Variants in GPC5 observed in about 807,000 individuals in gnomAD.
GPC5 encodes the protein glypican 5, also known as glypican-5.
Under a neutral mutation model 53.9 loss-of-function variants are expected in GPC5, and 47 were observed. The observed-to-expected ratio is 0.87, with a 90% CI of 0.69 to 1.11. GPC5 has a LOEUF of 1.11. Ranked by LOEUF, GPC5 falls within the 50% of genes most tolerant of loss-of-function variation. The pLI is 0.00. For synonymous variants in GPC5, 286 were observed against 263.3 expected, an observed-to-expected ratio of 1.09 and a Z score of -0.84; for missense variants, 748 against 713.1, an observed-to-expected ratio of 1.05 and a Z score of -0.56.
intron 6 of GPC5, among the ~76,000 whole-genome samples, chr13:92,135,501 G>A (rs1360230693): frequency 6.6e-6 from 1 of 152,082 alleles, no homozygotes; most frequent in East Asian, 1.9e-4. Flanking sequence ...TTTGGTATGA[G>A]GGCTTAGAAG....
At chr13:92,074,643 A>G (rs557834849) in intron 6 of GPC5, among the ~76,000 whole-genome samples, 1 of 152,262 alleles carries the variant, frequency 6.6e-6, no homozygotes, top group East Asian at 1.9e-4. Context: ...ATTTTCCTGA[A>G]TTATTGAGTA....
chr13:91,585,205 T>C (rs2032516861), intron 2 of GPC5, among the ~76,000 whole-genome samples: 1 of 152,126 alleles, frequency 6.6e-6, no homozygotes, highest in African/African-American at 2.4e-5. Flanking sequence ...CTACTGGTAG[T>C]AACATAGATT....
chr13:91,888,610 C>A (rs2039351734), intron 5 of GPC5, among the ~76,000 whole-genome samples: 1 of 152,086 alleles, frequency 6.6e-6, no homozygotes, highest in Non-Finnish European at 1.5e-5. Flanking sequence ...CTAGCATGCA[C>A]ATATAATGCA....
intron 7 of GPC5, among the ~76,000 whole-genome samples, chr13:92,327,584 C>G (rs1250385985): frequency 6.6e-6 from 1 of 152,068 alleles, no homozygotes; most frequent in African/African-American, 2.4e-5. Context: ...TCTGCAGTAG[C>G]TAACATAATA....
At chr13:92,262,795 C>A (rs1052866564) in intron 7 of GPC5, among the ~76,000 whole-genome samples, 10 of 152,134 alleles carry the variant, frequency 6.6e-5, no homozygotes, top group African/African-American at 2.2e-4. Context: ...ATGCTTCTTG[C>A]AAAGTCTTGA....
At chr13:91,987,146 T>C (rs980224242) in intron 6 of GPC5, among the ~76,000 whole-genome samples, 1 of 152,206 alleles carries the variant, frequency 6.6e-6, no homozygotes, top group Non-Finnish European at 1.5e-5. Flanking sequence ...CTTTTAAAAC[T>C]AATAGAATTT....
chr13:91,477,485 G>A (rs976574183), intron 2 of GPC5, among the ~76,000 whole-genome samples: 1 of 152,142 alleles, frequency 6.6e-6, no homozygotes, highest in African/African-American at 2.4e-5. Context: ...TGAATGAAAC[G>A]CTTCTGGGGC....
At chr13:91,402,030 T>G (rs1876991539) in intron 1 of GPC5, among the ~76,000 whole-genome samples, 1 of 152,222 alleles carries the variant, frequency 6.6e-6, no homozygotes. Context: ...CTTTTCATTT[T>G]TATTTTATTT....
At chr13:92,745,548 T>A (rs1333106922) in intron 7 of GPC5, among the ~76,000 whole-genome samples, 2 of 152,122 alleles carry the variant, frequency 1.3e-5, no homozygotes, top group Non-Finnish European at 2.9e-5. Flanking sequence ...AGCTTGCTAC[T>A]CCAGATGGCA....
At chr13:92,730,515 A>G (rs1016536381) in intron 7 of GPC5, among the ~76,000 whole-genome samples, 2 of 151,230 alleles carry the variant, frequency 1.3e-5, no homozygotes, top group African/African-American at 4.8e-5. Context: ...ATAATTTTGC[A>G]TTTTAAATTT....
At chr13:91,690,508 T>A (rs429039) in intron 2 of GPC5, among the ~76,000 whole-genome samples, 30,814 of 152,126 alleles carry the variant, frequency 0.2, 3,945 homozygotes, top group African/African-American at 0.35. Context: ...AAATGCTATA[T>A]TCATTTTTAT....
intron 5 of GPC5, among the ~76,000 whole-genome samples, chr13:91,857,082 A>G (rs1263486094): frequency 6.6e-6 from 1 of 151,002 alleles, no homozygotes; most frequent in African/African-American, 2.4e-5. Flanking sequence ...GTATATTTCT[A>G]TTCTTTTCTA....
chr13:92,578,833 A>G (rs1215526273), intron 7 of GPC5, among the ~76,000 whole-genome samples: 1 of 152,212 alleles, frequency 6.6e-6, no homozygotes, highest in Non-Finnish European at 1.5e-5. Flanking sequence ...TGGCGTCAGC[A>G]TAGTGACTTG....
chr13:92,576,251 T>A (rs182597914), intron 7 of GPC5, among the ~76,000 whole-genome samples: 2 of 152,184 alleles, frequency 1.3e-5, no homozygotes, highest in African/African-American at 4.8e-5. Context: ...CCAGCAAAAA[T>A]CATGCAGTGA....
intron 1 of GPC5, among the ~76,000 whole-genome samples, chr13:91,411,622 TC>T (rs1877799709): frequency 6.6e-6 from 1 of 152,200 alleles, no homozygotes; most frequent in South Asian, 2.1e-4. Context: ...CTGTTGAGTG[TC>T]CTCACAAGTC....
intron 7 of GPC5, among the ~76,000 whole-genome samples, chr13:92,491,604 C>A (rs1879763867): frequency 6.6e-6 from 1 of 152,016 alleles, no homozygotes; most frequent in East Asian, 1.9e-4. Flanking sequence ...TTCTTATATT[C>A]ATAATAAAAT....
chr13:92,566,209 G>A (rs945678375), intron 7 of GPC5, among the ~76,000 whole-genome samples: 1 of 152,004 alleles, frequency 6.6e-6, no homozygotes, highest in Non-Finnish European at 1.5e-5. Flanking sequence ...TTTCCAGGTA[G>A]AATTTAATAA....
chr13:91,678,683 G>T (rs553187186), intron 2 of GPC5, among the ~76,000 whole-genome samples: 14 of 151,714 alleles, frequency 9.2e-5, no homozygotes, highest in Non-Finnish European at 1.9e-4. Context: ...ATAATTAATT[G>T]ATGGCACAGG....
In GPC5 at chr13:92,866,859, A is replaced by T. The variant is rs558185650; in HGVS notation, c.*420A>T. ...CAGTATTTCTTAAAGTATTGAAATT[A>T]GAATATCATGAAATAAATCAAAACA... On this transcript the variant is annotated 3_prime_UTR_variant, in exon 8 of 8. Transcript: ENST00000377067. 1 of 153,012 alleles carries T rather than the reference A, an allele frequency of 6.5e-6. No individual in the cohort carries two copies. Among genetic ancestry groups the T allele is most frequent in the Non-Finnish European group, 1.5e-5 (1 of 68,538 alleles). 9.5% of individuals were successfully genotyped at this position (153,012 alleles called of 1,614,324 possible).
Sources: gnomAD v4.1 joint callset for allele counts (sites outside exome capture counted in the v4.1 genomes callset) on GRCh38, gnomAD v4.1.1 for gene constraint, MANE v1.5 for transcripts, NCBI Gene and HGNC (gene_info 2026-07-23, HGNC 2026-07-21) for gene names.